Variants in OVAAL observed in about 807,000 individuals in gnomAD.
OVAAL encodes the protein long intergenic non-protein coding RNA 1131.
At chr1:180,564,244 CG>C (rs35560639) in intron 2 of OVAAL, among the ~76,000 whole-genome samples, 7,208 of 152,128 alleles carry the variant, frequency 0.047, 253 homozygotes, top group South Asian at 0.077. Context: ...AGTCTAAAGT[CG>C]GATTGCCAGT....
intron 2 of OVAAL, among the ~76,000 whole-genome samples, chr1:180,563,416 C>CGGGGCAT (rs1653240264): frequency 6.6e-6 from 1 of 152,056 alleles, no homozygotes; most frequent in South Asian, 2.1e-4. Context: ...CAACCTCAAT[C>CGGGGCAT]GGGGCATAAG....
chr1:180,563,917 GA>G (rs1299095190), intron 2 of OVAAL, among the ~76,000 whole-genome samples: 2 of 152,098 alleles, frequency 1.3e-5, no homozygotes, highest in Admixed American at 1.3e-4. Context: ...TTATTTTAGA[GA>G]GACAGTTAAC....
At chr1:180,559,378 A>T (rs1180936588) in intron 1 of OVAAL, among the ~76,000 whole-genome samples, 1 of 152,166 alleles carries the variant, frequency 6.6e-6, no homozygotes, top group East Asian at 1.9e-4. Context: ...ACTTATTGGG[A>T]ACTGGAGCAA....
At chr1:180,563,030 C>A (rs1190645672) in intron 2 of OVAAL, among the ~76,000 whole-genome samples, 1 of 152,212 alleles carries the variant, frequency 6.6e-6, no homozygotes, top group Non-Finnish European at 1.5e-5. Flanking sequence ...TACTTCCCTT[C>A]GTTTTCAGTT....
At chr1:180,559,811 C>T (rs2102144175) in intron 1 of OVAAL, among the ~76,000 whole-genome samples, 1 of 151,398 alleles carries the variant, frequency 6.6e-6, no homozygotes, top group East Asian at 1.9e-4. Flanking sequence ...GAGGCTGAGG[C>T]AGGAGAATCA....
intron 1 of OVAAL, among the ~76,000 whole-genome samples, chr1:180,559,525 G>A (rs1473965595): frequency 2.0e-5 from 3 of 152,178 alleles, no homozygotes; most frequent in African/African-American, 7.2e-5. Flanking sequence ...CATTCAAGAG[G>A]TGACTTGGGT....
In OVAAL at chr1:180,560,239, G is replaced by A. The variant is rs1427930395; in HGVS notation, n.373-1965G>A. ...GGGCATCCAGGGTGGAGGTGAAAGG[G>A]ATCAAGAGAATGAGGGTGAGGCACA... is the stretch of plus-strand genomic sequence containing the variant. On this transcript the variant is annotated intron_variant and non_coding_transcript_variant, in intron 1 of 2. Coordinates refer to ENST00000673955, the Ensembl canonical transcript of OVAAL. Among the ~76,000 whole-genome samples the A allele has an allele frequency of 3.3e-5, 5 of 152,190 alleles. No homozygotes were observed. In the East Asian group the frequency reaches 7.7e-4, roughly 24 times the overall value.
intron 1 of OVAAL, among the ~76,000 whole-genome samples, chr1:180,560,031 T>C (rs1653173451): frequency 6.6e-6 from 1 of 152,176 alleles, no homozygotes; most frequent in African/African-American, 2.4e-5. Context: ...TCTTCCATGC[T>C]TTGTCTCCTT....
intron 2 of OVAAL, among the ~76,000 whole-genome samples, chr1:180,564,574 C>T (rs1234949430): frequency 6.6e-6 from 1 of 152,088 alleles, no homozygotes; most frequent in East Asian, 1.9e-4. Context: ...GGCATCTGTT[C>T]CAATTGGACC....
At chr1:180,564,131 G>C (rs113620330) in intron 2 of OVAAL, among the ~76,000 whole-genome samples, 7,121 of 152,130 alleles carry the variant, frequency 0.047, 232 homozygotes, top group Non-Finnish European at 0.058. Context: ...GGATGTCTCT[G>C]GATAATCAAT....
chr1:180,560,287 G>A lies in OVAAL; in HGVS notation n.373-1917G>A, dbSNP rs556116236. On this transcript the variant is annotated intron_variant and non_coding_transcript_variant, in intron 1 of 2. Coordinates refer to ENST00000673955, the Ensembl canonical transcript of OVAAL. Reference sequence around the variant, plus strand: ...ACAGAGATAAAGTAGGTGATATCGAGGAGTTCAGAAAATGAAGCCCACAAG... The same window carrying A: ...ACAGAGATAAAGTAGGTGATATCGAAGAGTTCAGAAAATGAAGCCCACAAG... Among the ~76,000 whole-genome samples, 15 of 152,224 alleles carry A rather than the reference G, an allele frequency of 9.9e-5. No individual in the cohort carries two copies. The South Asian group carries it at 3.1e-3, about 32-fold the overall frequency.
intron 2 of OVAAL, among the ~76,000 whole-genome samples, chr1:180,563,766 G>A (rs68020735): frequency 0.17 from 25,759 of 152,000 alleles, 2,303 homozygotes; most frequent in Middle Eastern, 0.21. Flanking sequence ...GTTAAACTCC[G>A]CCATTTTGCC....
At chr1:180,562,023 C>CA (rs111640712) in intron 1 of OVAAL, among the ~76,000 whole-genome samples, 24,363 of 122,344 alleles carry the variant, frequency 0.2, 2,123 homozygotes, top group Middle Eastern at 0.25. Context: ...AACTCCATCT[C>CA]AAAAAAAAAA....
intron 2 of OVAAL, among the ~76,000 whole-genome samples, chr1:180,563,919 G>A (rs965833484): frequency 6.6e-6 from 1 of 152,076 alleles, no homozygotes; most frequent in African/African-American, 2.4e-5. Flanking sequence ...ATTTTAGAGA[G>A]ACAGTTAACA....
chr1:180,561,274 C>T lies in OVAAL; in HGVS notation n.373-930C>T, dbSNP rs143414959. Among the ~76,000 whole-genome samples, 918 of 152,256 alleles carry T rather than the reference C, an allele frequency of 6.0e-3. 56 individuals are homozygous for T. Among genetic ancestry groups the T allele is most frequent in the Admixed American group, 0.047 (715 of 15,294 alleles). On this transcript the variant is annotated intron_variant and non_coding_transcript_variant, in intron 1 of 2. Coordinates refer to ENST00000673955, the Ensembl canonical transcript of OVAAL. ...ACCAAACCCAAACCACAGTAGTGAC[C>T]AGATACTTAGTGGCAGCCCCAGCTG...
At chr1:180,563,273 C>G (rs779331365) in intron 2 of OVAAL, among the ~76,000 whole-genome samples, 9 of 152,154 alleles carry the variant, frequency 5.9e-5, no homozygotes, top group Non-Finnish European at 1.0e-4. Flanking sequence ...CAGGCTTCCA[C>G]AAAGAAAACC....
intron 1 of OVAAL, among the ~76,000 whole-genome samples, chr1:180,559,646 G>T (rs1486002802): frequency 6.6e-6 from 1 of 152,168 alleles, no homozygotes; most frequent in Non-Finnish European, 1.5e-5. Flanking sequence ...GGTGGTTCAT[G>T]CCTGTAATCC....
intron 1 of OVAAL, among the ~76,000 whole-genome samples, chr1:180,560,981 G>GA (rs754034241): frequency 1.3e-5 from 2 of 152,150 alleles, no homozygotes; most frequent in Non-Finnish European, 2.9e-5. Context: ...TTAGGGTAGG[G>GA]AAAATCTGAA....
intron 1 of OVAAL, among the ~76,000 whole-genome samples, chr1:180,561,647 T>C (rs1179526949): frequency 1.3e-5 from 2 of 152,174 alleles, no homozygotes; most frequent in Admixed American, 6.5e-5. Context: ...AGTGGGAAGA[T>C]AAAACCCCAA....
Sources: gnomAD v4.1 joint callset for allele counts (sites outside exome capture counted in the v4.1 genomes callset) on GRCh38, gnomAD v4.1.1 for gene constraint, MANE v1.5 for transcripts, NCBI Gene and HGNC (gene_info 2026-07-23, HGNC 2026-07-21) for gene names.